The following KCNMA1 variants were observed in gnomAD, a reference collection of about 807,000 sequenced individuals.
KCNMA1 encodes the protein potassium calcium-activated channel subfamily M alpha 1.
In KCNMA1, 29 loss-of-function variants were observed where a neutral mutation model predicts 140.0. The ratio of observed to expected loss-of-function variants is 0.21; its 90% confidence interval spans 0.15 to 0.28. The LOEUF (loss-of-function observed/expected upper bound fraction) is 0.28. Among genes scored for constraint, KCNMA1 ranks in the 10% least tolerant of loss-of-function variants. The pLI, the probability that KCNMA1 is intolerant of heterozygous loss-of-function variation, is 1.00. For missense variants in KCNMA1, 880 were observed against 1,602.2 expected (o/e 0.55, Z 7.70); for synonymous variants, 612 against 611.9 (o/e 1.00, Z 0.00).
At chr10:76,948,782 T>C (rs187533022) in intron 22 of KCNMA1, among the ~76,000 whole-genome samples, 1 of 152,324 alleles carries the variant, frequency 6.6e-6, no homozygotes, top group Non-Finnish European at 1.5e-5. Context: ...ATGCCATAAG[T>C]ATAATGCTAT....
At chr10:77,072,309 G>A (rs902454602) in intron 14 of KCNMA1, among the ~76,000 whole-genome samples, 3 of 152,210 alleles carry the variant, frequency 2.0e-5, no homozygotes, top group African/African-American at 7.2e-5. Context: ...TAAGGATGAG[G>A]ACTGGAGTGA....
intron 19 of KCNMA1, among the ~76,000 whole-genome samples, chr10:76,985,382 T>G (rs912266816): frequency 7.9e-5 from 12 of 152,088 alleles, no homozygotes; most frequent in African/African-American, 2.9e-4. Flanking sequence ...ATCAGGAAAA[T>G]GCATTATAAT....
intron 5 of KCNMA1, among the ~76,000 whole-genome samples, chr10:77,133,973 CTA>C (rs1314472594): frequency 6.6e-6 from 1 of 152,058 alleles, no homozygotes; most frequent in East Asian, 1.9e-4. Flanking sequence ...GAAATAGACT[CTA>C]TTTTATCAGA....
At chr10:77,385,707 G>A (rs888369140) in intron 2 of KCNMA1, among the ~76,000 whole-genome samples, 4 of 152,204 alleles carry the variant, frequency 2.6e-5, no homozygotes, top group African/African-American at 7.2e-5. Flanking sequence ...TGGAGTGCAT[G>A]GAGGAGAGCA....
At chr10:77,516,853 G>A (rs1487291776) in intron 1 of KCNMA1, among the ~76,000 whole-genome samples, 1 of 152,354 alleles carries the variant, frequency 6.6e-6, no homozygotes, top group Admixed American at 6.5e-5. Flanking sequence ...GGAGACTGAA[G>A]GGTGGAGAGG....
intron 14 of KCNMA1, among the ~76,000 whole-genome samples, chr10:77,043,921 G>A (rs950349077): frequency 6.6e-6 from 1 of 152,196 alleles, no homozygotes; most frequent in Non-Finnish European, 1.5e-5. Context: ...GGATGGTAGT[G>A]ATGGTCACAC....
chr10:77,177,580 C>T (rs1401067723), intron 5 of KCNMA1, among the ~76,000 whole-genome samples: 1 of 151,826 alleles, frequency 6.6e-6, no homozygotes, highest in Non-Finnish European at 1.5e-5. Context: ...CTCAGGGGTC[C>T]TCCTGCCTCA....
intron 5 of KCNMA1, among the ~76,000 whole-genome samples, chr10:77,129,349 C>A (rs1276193232): frequency 6.6e-6 from 1 of 151,966 alleles, no homozygotes; most frequent in Non-Finnish European, 1.5e-5. Flanking sequence ...CTTTTTTTAA[C>A]CTCTAACTTG....
chr10:77,539,458 G>T (rs554413706), intron 1 of KCNMA1, among the ~76,000 whole-genome samples: 1 of 152,236 alleles, frequency 6.6e-6, no homozygotes, highest in African/African-American at 2.4e-5. Flanking sequence ...GAGCATGGAG[G>T]TGAGGCAGAA....
chr10:77,168,271 C>G (rs780314980), intron 5 of KCNMA1, among the ~76,000 whole-genome samples: 7 of 152,184 alleles, frequency 4.6e-5, no homozygotes, highest in African/African-American at 9.7e-5. Flanking sequence ...GTTCCTCTAC[C>G]TGTGTGTTAG....
intron 5 of KCNMA1, among the ~76,000 whole-genome samples, chr10:77,121,880 A>G (rs756768057): frequency 1.3e-5 from 2 of 152,236 alleles, no homozygotes; most frequent in African/African-American, 2.4e-5. Flanking sequence ...TAATTTGGCT[A>G]TCATGCAAGG....
intron 3 of KCNMA1, among the ~76,000 whole-genome samples, chr10:77,245,070 T>A (rs921198192): frequency 6.6e-5 from 10 of 151,698 alleles, no homozygotes; most frequent in African/African-American, 2.4e-4. Context: ...GGGGGAGTAT[T>A]TTAAAAGGAA....
At chr10:76,914,888 T>A in intron 24 of KCNMA1, 48 bp downstream of exon 24, 4 of 1,339,442 alleles carry the variant, frequency 3.0e-6, no homozygotes, top group Non-Finnish European at 4.3e-6. Flanking sequence ...CCTGTATGGT[T>A]TGAAAGACAG....
chr10:77,109,855 A>T (rs1325372693), intron 8 of KCNMA1, among the ~76,000 whole-genome samples: 2 of 152,224 alleles, frequency 1.3e-5, no homozygotes. Context: ...GTAGCATACC[A>T]GATGCTGAGT....
At chr10:77,343,330 T>C (rs1008008565) in intron 2 of KCNMA1, among the ~76,000 whole-genome samples, 2 of 152,232 alleles carry the variant, frequency 1.3e-5, no homozygotes, top group Non-Finnish European at 2.9e-5. Flanking sequence ...GGTATTGCCA[T>C]TGTCCTGATT....
At chr10:76,894,477 T>G (rs928150543) in intron 25 of KCNMA1, among the ~76,000 whole-genome samples, 1 of 152,140 alleles carries the variant, frequency 6.6e-6, no homozygotes, top group Non-Finnish European at 1.5e-5. Flanking sequence ...CAGATTAAAT[T>G]GGACTTCATA....
At chr10:77,039,951 T>C (rs2094568299) in intron 14 of KCNMA1, among the ~76,000 whole-genome samples, 1 of 137,908 alleles carries the variant, frequency 7.3e-6, no homozygotes. Context: ...CAGTGGGTCA[T>C]AGCTCACTGA....
chr10:77,184,377 G>A (rs897642674), intron 4 of KCNMA1, among the ~76,000 whole-genome samples: 9 of 152,000 alleles, frequency 5.9e-5, no homozygotes, highest in African/African-American at 1.2e-4. Flanking sequence ...CCGCCGCCAC[G>A]CCTGGCTAAC....
At chr10:76,983,697 A>G (rs1207178653) in intron 19 of KCNMA1, among the ~76,000 whole-genome samples, 2 of 151,728 alleles carry the variant, frequency 1.3e-5, no homozygotes, top group East Asian at 3.9e-4. Context: ...ACTGCACTCC[A>G]GCCTGGATGA....
Sources: gnomAD v4.1 joint callset for allele counts (sites outside exome capture counted in the v4.1 genomes callset) on GRCh38, gnomAD v4.1.1 for gene constraint, MANE v1.5 for transcripts, NCBI Gene and HGNC (gene_info 2026-07-23, HGNC 2026-07-21) for gene names.